Variants in SNTG1 observed in about 807,000 individuals in gnomAD.
SNTG1 encodes gamma-1-syntrophin.
SNTG1 carries 39 observed loss-of-function variants against 74.7 expected under a neutral mutation model. The ratio of observed to expected loss-of-function variants is 0.52; its 90% CI spans 0.40 to 0.68. The LOEUF (loss-of-function observed/expected upper bound fraction) is 0.68, where lower values mean the gene tolerates loss of function less well. Ranked by LOEUF, SNTG1 falls within the 30% of genes least tolerant of loss-of-function variation. The probability of loss-of-function intolerance (pLI) is 0.00; values close to 1 mark genes in which losing one functional copy is unlikely to be tolerated. For missense variants in SNTG1, 685 were observed against 609.5 expected (o/e 1.12, Z -1.30); for synonymous variants, 254 against 217.1 (o/e 1.17, Z -1.49).
At chr8:50,604,886 A>C (rs1585822841) in intron 13 of SNTG1, among the ~76,000 whole-genome samples, 1 of 152,136 alleles carries the variant, frequency 6.6e-6, no homozygotes, top group East Asian at 1.9e-4. Context: ...TTAGGGTGTC[A>C]CCAAAGGCCA....
chr8:50,501,710 G>A (rs570722936), intron 8 of SNTG1, among the ~76,000 whole-genome samples: 13 of 150,944 alleles, frequency 8.6e-5, no homozygotes, highest in Middle Eastern at 3.4e-3. Context: ...CACCTGCCTC[G>A]GTCTCCCAAA....
At chr8:50,622,709 T>C (rs1438529452) in intron 13 of SNTG1, among the ~76,000 whole-genome samples, 1 of 152,138 alleles carries the variant, frequency 6.6e-6, no homozygotes, top group Admixed American at 6.6e-5. Flanking sequence ...AGATAGTTAA[T>C]AGTGTATTAC....
chr8:50,048,968 A>G (rs1478941805), intron 1 of SNTG1, among the ~76,000 whole-genome samples: 4 of 152,134 alleles, frequency 2.6e-5, no homozygotes, highest in Non-Finnish European at 5.9e-5. Context: ...TATATTAATA[A>G]ATAGTGCATC....
intron 1 of SNTG1, among the ~76,000 whole-genome samples, chr8:50,136,503 T>C (rs532240824): frequency 6.6e-6 from 1 of 152,238 alleles, no homozygotes; most frequent in Non-Finnish European, 1.5e-5. Context: ...TCTCTAGTGA[T>C]CAGTGATGTT....
intron 13 of SNTG1, among the ~76,000 whole-genome samples, chr8:50,592,308 T>C (rs1666239641): frequency 6.6e-6 from 1 of 152,072 alleles, no homozygotes; most frequent in East Asian, 1.9e-4. Flanking sequence ...TAAAAAATGG[T>C]GAATTATTTT....
intron 1 of SNTG1, among the ~76,000 whole-genome samples, chr8:50,126,760 G>T (rs1431108393): frequency 6.6e-6 from 1 of 152,026 alleles, no homozygotes; most frequent in Non-Finnish European, 1.5e-5. Flanking sequence ...GGTGACAATA[G>T]TATCCAGGTT....
intron 1 of SNTG1, among the ~76,000 whole-genome samples, chr8:49,993,913 T>C (rs1055903373): frequency 6.6e-6 from 1 of 152,214 alleles, no homozygotes; most frequent in East Asian, 1.9e-4. Flanking sequence ...AACCATTATA[T>C]TCCTGTTGAA....
chr8:50,568,328 G>A (rs1404184729), intron 12 of SNTG1, among the ~76,000 whole-genome samples: 2 of 151,172 alleles, frequency 1.3e-5, no homozygotes, highest in East Asian at 2.0e-4. Context: ...GATATCTCTT[G>A]GATAAACTGA....
At chr8:50,389,477 T>C (rs1350172213) in intron 2 of SNTG1, among the ~76,000 whole-genome samples, 2 of 152,218 alleles carry the variant, frequency 1.3e-5, no homozygotes, top group Non-Finnish European at 1.5e-5. Flanking sequence ...CCTTCCTGTG[T>C]CCAAGTGTTC....
At chr8:50,408,859 G>C (rs939281793) in intron 4 of SNTG1, among the ~76,000 whole-genome samples, 5 of 152,156 alleles carry the variant, frequency 3.3e-5, no homozygotes, top group African/African-American at 9.7e-5. Flanking sequence ...CTCTGTGAGA[G>C]GGCAGGATAT....
intron 8 of SNTG1, among the ~76,000 whole-genome samples, chr8:50,478,671 T>C (rs1277191022): frequency 5.9e-5 from 9 of 152,174 alleles, no homozygotes; most frequent in Non-Finnish European, 1.0e-4. Flanking sequence ...ACTATCTTTG[T>C]TTTTCTTAGG....
At chr8:50,218,160 G>A (rs1166149201) in intron 2 of SNTG1, among the ~76,000 whole-genome samples, 1 of 152,118 alleles carries the variant, frequency 6.6e-6, no homozygotes, top group Admixed American at 6.6e-5. Flanking sequence ...TTTTGAAAAT[G>A]AGACTAATGT....
At chr8:49,963,568 C>A (rs1431740407) in intron 1 of SNTG1, among the ~76,000 whole-genome samples, 1 of 152,122 alleles carries the variant, frequency 6.6e-6, no homozygotes, top group Non-Finnish European at 1.5e-5. Context: ...CTTTACCATG[C>A]AGAAAACTTT....
chr8:50,042,073 A>G (rs1296679645), intron 1 of SNTG1, among the ~76,000 whole-genome samples: 2 of 152,234 alleles, frequency 1.3e-5, no homozygotes, highest in Admixed American at 1.3e-4. Context: ...CTGTGAGTGA[A>G]ACCGTGGTAT....
Position 50,632,130 on chromosome 8 carries a change from A to G in SNTG1, c.850-24779A>G, listed in dbSNP as rs956040087. Among the ~76,000 whole-genome samples, 10 of 152,240 alleles carry G rather than the reference A, an allele frequency of 6.6e-5. No individual in the cohort carries two copies. In the East Asian group the frequency reaches 1.9e-3, roughly 29 times the overall value. ...TAGGATATGGCAGTCACTAAAGGGC[A>G]AAACAGGTCAAAATACAGAAGTGTC... is the stretch of plus-strand genomic sequence containing the variant. On this transcript the variant is annotated intron_variant, in intron 13 of 18. Coordinates refer to ENST00000642720, the MANE Select transcript of SNTG1 (RefSeq NM_018967.5).
At chr8:50,305,956 A>G (rs1234255623) in intron 2 of SNTG1, among the ~76,000 whole-genome samples, 3 of 151,682 alleles carry the variant, frequency 2.0e-5, no homozygotes, top group Non-Finnish European at 4.4e-5. Context: ...GTTTTCGGTT[A>G]CATGGATAAA....
At chr8:50,788,671 T>A (rs2095682717) in intron 18 of SNTG1, among the ~76,000 whole-genome samples, 1 of 152,014 alleles carries the variant, frequency 6.6e-6, no homozygotes, top group Admixed American at 6.6e-5. Context: ...ATTTTATGCC[T>A]AAAATGATAT....
At chr8:49,990,100 A>T (rs1339999317) in intron 1 of SNTG1, among the ~76,000 whole-genome samples, 1 of 151,962 alleles carries the variant, frequency 6.6e-6, no homozygotes, top group African/African-American at 2.4e-5. Context: ...TAGCAAGGGT[A>T]ATTAAGGGGA....
At chr8:50,367,012 G>T (rs1214447640) in intron 2 of SNTG1, among the ~76,000 whole-genome samples, 1 of 150,884 alleles carries the variant, frequency 6.6e-6, no homozygotes, top group East Asian at 1.9e-4. Flanking sequence ...TGTTTTGTCT[G>T]CATCATTGGT....
Sources: allele counts gnomAD v4.1 joint callset (sites outside exome capture counted in the v4.1 genomes callset), GRCh38; gene constraint gnomAD v4.1.1; transcripts MANE v1.5; gene names NCBI Gene and HGNC (gene_info 2026-07-23, HGNC 2026-07-21).